Variants in GALNT13 observed in about 807,000 individuals in gnomAD.
GALNT13 encodes polypeptide N-acetylgalactosaminyltransferase 13.
In GALNT13, 28 loss-of-function variants were observed where a neutral mutation model predicts 64.2. That is an observed-to-expected ratio of 0.44 (90% CI 0.32 to 0.60). GALNT13 has a LOEUF of 0.60. GALNT13 is among the 20% of genes least tolerant of loss of function. The pLI is 0.05. For synonymous variants in GALNT13, 214 were observed against 224.6 expected (o/e 0.95, Z 0.42); for missense variants, 577 against 669.8 (o/e 0.86, Z 1.53).
chr2:153,435,360 G>A, the GALNT13 span, among the ~76,000 whole-genome samples: 1 of 152,004 alleles, frequency 6.6e-6, no homozygotes. Flanking sequence ...TTCCAATTCT[G>A]TGAAGAAAGT....
Position 153,894,718 on chromosome 2 carries a change from G to GT in GALNT13, c.-176-6218_-176-6217insT, listed in dbSNP as rs747747317. Among the ~76,000 whole-genome samples the GT allele has an allele frequency of 4.6e-5, 7 of 152,174 alleles. No homozygotes were observed. In the East Asian group the frequency reaches 9.7e-4, roughly 21 times the overall value. ...TACACTTCTAAGAGCAGAAAAAATG[G>GT]GGTAACAGCCAACATGTCTGAGAGA... On this transcript the variant is annotated intron_variant, in intron 1 of 12. Transcript: ENST00000392825.
At chr2:153,855,328 TAAAAC>T in the GALNT13 span, among the ~76,000 whole-genome samples, 5 of 152,050 alleles carry the variant, frequency 3.3e-5, no homozygotes, top group Non-Finnish European at 5.9e-5. Context: ...GCATTAAACA[TAAAAC>T]AAAGAATTGA....
chr2:153,366,366 C>G, the GALNT13 span, among the ~76,000 whole-genome samples: 3 of 151,916 alleles, frequency 2.0e-5, no homozygotes, highest in Non-Finnish European at 2.9e-5. Context: ...TGTAACAAAC[C>G]TGAATGTTTT....
intron 9 of GALNT13, among the ~76,000 whole-genome samples, chr2:154,379,225 TATC>T (rs1559123415): frequency 2.0e-5 from 3 of 152,252 alleles, no homozygotes; most frequent in Non-Finnish European, 2.9e-5. Context: ...AATAAAGACA[TATC>T]ATATTGACTA....
the GALNT13 span, among the ~76,000 whole-genome samples, chr2:153,678,148 G>A: frequency 2.9e-3 from 335 of 115,530 alleles, 3 homozygotes; most frequent in Middle Eastern, 4.5e-3. Flanking sequence ...CTATGCATCC[G>A]ACAAATGAAT....
the GALNT13 span, among the ~76,000 whole-genome samples, chr2:153,411,498 G>GATGTATGCATGAGA: frequency 6.6e-6 from 1 of 152,154 alleles, no homozygotes; most frequent in South Asian, 2.1e-4. Flanking sequence ...GGTGGGGGAA[G>GATGTATGCATGAGA]ATGTATGCAT....
rs397733620 is a variant in GALNT13 at position 154,382,799 on chromosome 2, T to TA, written c.1157-13189dup. Among the ~76,000 whole-genome samples the TA allele has an allele frequency of 3.1e-3, 462 of 147,346 alleles. 2 individuals are homozygous for TA. Among genetic ancestry groups the TA allele is most frequent in the Middle Eastern group, 0.011 (3 of 282 alleles). ...GTTCTCTTAAAACGTTTTTTTTTTTTAAATATAAGTTTCTACTGTTCTTAG... is the reference window on the plus strand; with the variant it reads ...GTTCTCTTAAAACGTTTTTTTTTTTTAAAATATAAGTTTCTACTGTTCTTAG... On this transcript the variant is annotated intron_variant, in intron 9 of 12. Transcript: ENST00000392825.
At chr2:153,624,136 T>C in the GALNT13 span, among the ~76,000 whole-genome samples, 1 of 152,108 alleles carries the variant, frequency 6.6e-6, no homozygotes, top group Non-Finnish European at 1.5e-5. Flanking sequence ...TGTTGATTAT[T>C]TGAATACATG....
chr2:154,289,161 G>T (rs1261602497), intron 8 of GALNT13, among the ~76,000 whole-genome samples: 1 of 152,184 alleles, frequency 6.6e-6, no homozygotes, highest in Non-Finnish European at 1.5e-5. Flanking sequence ...AAAGTTTGGG[G>T]CTTGCACCCT....
chr2:154,113,550 C>T (rs1388156758), intron 3 of GALNT13, among the ~76,000 whole-genome samples: 1 of 152,162 alleles, frequency 6.6e-6, no homozygotes, highest in East Asian at 1.9e-4. Context: ...CTCAACAGGC[C>T]CCACACCACT....
At chr2:154,157,127 C>G (rs1020011306) in intron 4 of GALNT13, among the ~76,000 whole-genome samples, 1 of 151,948 alleles carries the variant, frequency 6.6e-6, no homozygotes, top group South Asian at 2.1e-4. Context: ...ATAATACTTC[C>G]TCTCAACCCT....
At chr2:154,364,718 C>G (rs1387334595) in intron 9 of GALNT13, among the ~76,000 whole-genome samples, 4 of 152,118 alleles carry the variant, frequency 2.6e-5, no homozygotes, top group African/African-American at 9.7e-5. Context: ...CTCTCCCGGG[C>G]TGGAATGCGA....
intron 4 of GALNT13, among the ~76,000 whole-genome samples, chr2:154,187,748 G>A (rs888265987): frequency 7.2e-4 from 110 of 152,028 alleles, no homozygotes; most frequent in African/African-American, 2.6e-3. Flanking sequence ...GAAAAGAAAG[G>A]CAACTAATTT....
chr2:153,911,542 G>A (rs922118535), intron 2 of GALNT13, among the ~76,000 whole-genome samples: 1 of 152,136 alleles, frequency 6.6e-6, no homozygotes, highest in Admixed American at 6.5e-5. Context: ...GTAGCGGCTG[G>A]TAACAGTCTT....
the GALNT13 span, among the ~76,000 whole-genome samples, chr2:153,181,803 C>A: frequency 7.0e-6 from 1 of 142,980 alleles, no homozygotes; most frequent in African/African-American, 2.6e-5. Flanking sequence ...TATAAATATA[C>A]TTACATAATT....
chr2:153,501,179 AT>A, the GALNT13 span, among the ~76,000 whole-genome samples: 1 of 152,192 alleles, frequency 6.6e-6, no homozygotes, highest in Non-Finnish European at 1.5e-5. Flanking sequence ...TAAGTCATTT[AT>A]TTAGCCAAAA....
At chr2:153,925,010 G>T (rs1348533008) in intron 2 of GALNT13, among the ~76,000 whole-genome samples, 1 of 152,066 alleles carries the variant, frequency 6.6e-6, no homozygotes, top group Non-Finnish European at 1.5e-5. Context: ...TAGGTTATCT[G>T]TTTATTTTGT....
At chr2:153,427,086 T>C in the GALNT13 span, among the ~76,000 whole-genome samples, 7 of 152,196 alleles carry the variant, frequency 4.6e-5, no homozygotes, top group Admixed American at 1.3e-4. Flanking sequence ...GAAAACATTT[T>C]AAATTTGAAT....
intron 1 of GALNT13, among the ~76,000 whole-genome samples, chr2:153,881,067 T>A (rs1280348190): frequency 6.6e-6 from 1 of 152,178 alleles, no homozygotes; most frequent in Non-Finnish European, 1.5e-5. Flanking sequence ...ATCTAGGTCA[T>A]TTAACAGGTG....
Sources: gnomAD v4.1 joint callset for allele counts (sites outside exome capture counted in the v4.1 genomes callset) on GRCh38, gnomAD v4.1.1 for gene constraint, MANE v1.5 for transcripts, NCBI Gene and HGNC (gene_info 2026-07-23, HGNC 2026-07-21) for gene names.